Variants in ZCCHC2 observed in about 807,000 individuals in gnomAD.
ZCCHC2 encodes zinc finger CCHC domain-containing protein 2.
Under a neutral mutation model 103.6 loss-of-function variants are expected in ZCCHC2, and 39 were observed. The observed-to-expected ratio is 0.38, with a 90% CI of 0.29 to 0.49. The LOEUF (loss-of-function observed/expected upper bound fraction) is 0.49. Among genes scored for constraint, ZCCHC2 ranks in the 20% least tolerant of loss-of-function variants. ZCCHC2 has a pLI of 0.96. For missense variants in ZCCHC2, 1,483 were observed against 1,491.0 expected (o/e 0.99, Z 0.09); for synonymous variants, 687 against 608.9 (o/e 1.13, Z -1.89).
intron 3 of ZCCHC2, among the ~76,000 whole-genome samples, chr18:62,544,552 C>T (rs894262496): frequency 6.6e-6 from 1 of 152,018 alleles, no homozygotes; most frequent in Non-Finnish European, 1.5e-5. Flanking sequence ...TAAACATAAT[C>T]ACATTTTCAG....
intron 14 of ZCCHC2, among the ~76,000 whole-genome samples, chr18:62,584,069 G>T (rs1171025332): frequency 1.3e-5 from 2 of 152,188 alleles, no homozygotes; most frequent in African/African-American, 4.8e-5. Context: ...AGATACAGCT[G>T]TTGTGCTTGT....
At chr18:62,565,484 T>C (rs1461738609) in intron 11 of ZCCHC2, among the ~76,000 whole-genome samples, 1 of 152,224 alleles carries the variant, frequency 6.6e-6, no homozygotes, top group Non-Finnish European at 1.5e-5. Context: ...TAGAATACTG[T>C]TGACTTCTTC....
rs937867401 is a variant in ZCCHC2 at position 62,523,597 on chromosome 18, TGCC to T, written c.189_191del (p.Pro64del). On this transcript the variant is annotated inframe_deletion, in exon 1 of 14. Coordinates refer to ENST00000269499, the MANE Select transcript of ZCCHC2 (RefSeq NM_017742.6). ...CCCGCGGGCCCGTCGCGGGGCCCTC[TGCC>T]GCCGCCGCCGCCGCCCCGGGGACTC... 104 of 1,036,040 alleles carry T rather than the reference TGCC, an allele frequency of 1.0e-4. 1 individual carries two copies. The highest frequency in any genetic ancestry group is 8.5e-4 in the Middle Eastern group (2 of 2,344). The allele number at this position is 1,036,040 out of a possible 1,614,324, so 64.2% of individuals were successfully genotyped here. A position where few individuals can be genotyped will look rare whatever the true frequency, so the allele number is the denominator to read the frequency against.
At chr18:62,544,539 T>C (rs1915332494) in intron 3 of ZCCHC2, among the ~76,000 whole-genome samples, 2 of 152,200 alleles carry the variant, frequency 1.3e-5, no homozygotes, top group African/African-American at 2.4e-5. Flanking sequence ...TCTGAAAAAT[T>C]ACTAAACATA....
intron 6 of ZCCHC2, 22 bp downstream of exon 6, chr18:62,556,319 G>A (rs759841522): frequency 1.9e-5 from 29 of 1,527,520 alleles, no homozygotes; most frequent in Non-Finnish European, 2.3e-5. Flanking sequence ...CTGTCCCTCT[G>A]TGGAAATCTT....
rs752551391 is a variant in ZCCHC2 at position 62,563,049 on chromosome 18, A to G, written c.1591A>G (p.Met531Val). ...TSCSPLDGLT[M>V]QYSEQNGIVD... ...TTGTTCTCCATTGGATGGGCTTACC[A>G]TGCAATATTCTGAACAGAATGGAAT... Residue 531 changes from methionine (M) to valine (V), a missense_variant, in exon 9 of 14, where the codon ATG becomes GTG. By Grantham distance (21) the Met-to-Val change is conservative (BLOSUM62 1). This residue lies in a region of ZCCHC2 where 884 missense variants were observed against 907.5 expected (regional missense o/e 0.97). Transcript: ENST00000269499. 6 of 1,613,870 alleles carry G rather than the reference A, an allele frequency of 3.7e-6. No individual in the cohort carries two copies. The highest frequency in any genetic ancestry group is 5.1e-6 in the Non-Finnish European group (6 of 1,179,764).
chr18:62,568,722 A>G (rs1193036064), intron 11 of ZCCHC2, among the ~76,000 whole-genome samples: 1 of 152,108 alleles, frequency 6.6e-6, no homozygotes. Flanking sequence ...GTCCATTTCT[A>G]GTTTGAGAAT....
chr18:62,560,755 G>T, intron 8 of ZCCHC2, 111 bp downstream of exon 8: 1 of 818,646 alleles, frequency 1.2e-6, no homozygotes, highest in South Asian at 2.5e-5. Context: ...TTTGCTATTT[G>T]CTTTTTATTT....
chr18:62,546,359 G>C (rs895885230), intron 4 of ZCCHC2, among the ~76,000 whole-genome samples: 2 of 152,166 alleles, frequency 1.3e-5, no homozygotes, highest in Non-Finnish European at 2.9e-5. Context: ...GCTAAGCAGG[G>C]CTGCCTCACC....
chr18:62,559,831 C>G (rs539231573), intron 7 of ZCCHC2, among the ~76,000 whole-genome samples: 1 of 152,160 alleles, frequency 6.6e-6, no homozygotes, highest in Non-Finnish European at 1.5e-5. Context: ...GTGGGTTTAA[C>G]CAACTGTGAG....
At chr18:62,583,777 G>A (rs886935718) in intron 14 of ZCCHC2, among the ~76,000 whole-genome samples, 1 of 152,032 alleles carries the variant, frequency 6.6e-6, no homozygotes, top group East Asian at 1.9e-4. Context: ...GCCTGGAAAC[G>A]TAGTCACGAC....
At chr18:62,563,737 T>G (rs1232566211) in intron 9 of ZCCHC2, among the ~76,000 whole-genome samples, 1 of 152,230 alleles carries the variant, frequency 6.6e-6, no homozygotes, top group East Asian at 1.9e-4. Flanking sequence ...CAGATTGTTA[T>G]GCCAAAATTT....
chr18:62,539,897 G>C, intron 2 of ZCCHC2, 105 bp downstream of exon 2: 2 of 905,628 alleles, frequency 2.2e-6, no homozygotes, highest in East Asian at 5.4e-5. Context: ...TTTTGAAGTG[G>C]AGAAGTCCTA....
At position 62,574,769 on chromosome 18, in the gene ZCCHC2, C is replaced by T; in HGVS notation, c.2688C>T (p.Thr896=). 2 of 1,614,006 alleles carry T rather than the reference C, an allele frequency of 1.2e-6. No homozygotes were observed. The highest frequency in any genetic ancestry group is 1.3e-5 in the African/African-American group (1 of 75,032). The part of the protein sequence containing the change: ...EGNTGTVPQP[T]NVKVVLPAAG... ...ACACAGGGACAGTCCCTCAGCCTAC[C>T]AATGTGAAGGTAGTTCTTCCAGCAG... Residue 896 remains threonine, a synonymous_variant, in exon 13 of 14, where the codon ACC becomes ACT. Coordinates refer to ENST00000269499, the MANE Select transcript of ZCCHC2 (RefSeq NM_017742.6).
Position 62,528,919 on chromosome 18 carries a change from GAAA to G in ZCCHC2, c.939+4557_939+4559del, listed in dbSNP as rs1914560040. Among the ~76,000 whole-genome samples the G allele has an allele frequency of 2.6e-5, 4 of 152,182 alleles. No homozygotes were observed. The South Asian group carries it at 8.3e-4, about 32-fold the overall frequency. ...CTCACGCCTGTAATTCCAGCACTTT[GAAA>G]GCCAAGGCAGGTGGATCACCTGAGG... On this transcript the variant is annotated intron_variant, in intron 1 of 13. Coordinates refer to ENST00000269499, the MANE Select transcript of ZCCHC2 (RefSeq NM_017742.6).
rs762130687 is a variant in ZCCHC2 at position 62,574,918 on chromosome 18, C to T, written c.2837C>T (p.Ala946Val). 4.8e-5 allele frequency: 77 copies of T among 1,613,634 alleles called. No individual in the cohort carries two copies. The highest frequency in any genetic ancestry group is 5.6e-5 in the Non-Finnish European group (66 of 1,179,902). Reference protein sequence around the residue: ...LSTAATSPQPASAGISQAQAT... With the variant: ...LSTAATSPQPVSAGISQAQAT... ...ACAGCAGCAACTTCTCCCCAGCCAGCGAGCGCAGGTATCAGCCAGGCCCAG... is the reference window on the plus strand; with the variant it reads ...ACAGCAGCAACTTCTCCCCAGCCAGTGAGCGCAGGTATCAGCCAGGCCCAG... Residue 946 changes from alanine (A) to valine (V), a missense_variant, in exon 13 of 14, where the codon GCG becomes GTG. Ala to Val is a moderately conservative substitution (Grantham distance 64). Coordinates refer to ENST00000269499, the MANE Select transcript of ZCCHC2 (RefSeq NM_017742.6).
rs1381097001 is a variant in ZCCHC2, at chr18:62,523,395, G to A, written c.-30G>A. ...CTCGCGGCCCCTCCCGCCCGCCCCCGCTCGCATGTCTGCGCCGCCCTAGCC... is the reference window on the plus strand; with the variant it reads ...CTCGCGGCCCCTCCCGCCCGCCCCCACTCGCATGTCTGCGCCGCCCTAGCC... On this transcript the variant is annotated 5_prime_UTR_variant, in exon 1 of 14. Coordinates refer to ENST00000269499, the MANE Select transcript of ZCCHC2 (RefSeq NM_017742.6). 3 of 125,692 alleles carry A rather than the reference G, an allele frequency of 2.4e-5. No homozygotes were observed. The highest frequency in any genetic ancestry group is 5.7e-5 in the African/African-American group (1 of 17,584). 7.8% of individuals were successfully genotyped at this position (125,692 alleles called of 1,614,324 possible).
rs879632966 is a variant in ZCCHC2, at chr18:62,577,225, T to C, written c.*646T>C. The C allele has an allele frequency of 6.6e-6, 1 of 152,534 alleles. No homozygotes were observed. Among genetic ancestry groups the C allele is most frequent in the African/African-American group, 2.4e-5 (1 of 41,402 alleles). The allele number at this position is 152,534 out of a possible 1,614,324, so 9.4% of individuals were successfully genotyped here. ...ATATATGCAGTGCTTGTTGTCCAAA[T>C]AGAAATGAAAATAAGTGGAAGAGAG... On this transcript the variant is annotated 3_prime_UTR_variant, in exon 14 of 14. Transcript: ENST00000269499.
chr18:62,527,117 A>G (rs1003014867), intron 1 of ZCCHC2: 3 of 147,932 alleles, frequency 2.0e-5, no homozygotes, highest in Admixed American at 1.4e-4. Context: ...TGGTGTGCCA[A>G]ACGACGTATT....
Sources: gnomAD v4.1 joint callset for allele counts (sites outside exome capture counted in the v4.1 genomes callset) on GRCh38, gnomAD v4.1.1 for gene constraint, gnomAD v4.1.1 regional missense constraint, MANE v1.5 for transcripts, NCBI Gene and HGNC (gene_info 2026-07-23, HGNC 2026-07-21) for gene names.